BAIAP2L1: variants seen among roughly 807,000 people sequenced by gnomAD.
BAIAP2L1 encodes BAR/IMD domain-containing adapter protein 2-like 1.
BAIAP2L1 carries 35 observed loss-of-function variants against 66.3 expected under a neutral mutation model. The ratio of observed to expected loss-of-function variants is 0.53; its 90% CI spans 0.40 to 0.70. The LOEUF is 0.70. BAIAP2L1 is among the 30% of genes least tolerant of loss of function. The pLI, the probability that BAIAP2L1 is intolerant of heterozygous loss-of-function variation, is 0.00. For missense variants in BAIAP2L1, 622 were observed against 656.9 expected (o/e 0.95, Z 0.58); for synonymous variants, 269 against 248.7 (o/e 1.08, Z -0.77).
chr7:98,324,261 C>T (rs1002312447), intron 3 of BAIAP2L1, among the ~76,000 whole-genome samples: 10 of 152,240 alleles, frequency 6.6e-5, no homozygotes, highest in African/African-American at 2.4e-4. Flanking sequence ...AAAGCAGGAA[C>T]TCAACATAAC....
chr7:98,367,436 T>C (rs1028918761), intron 1 of BAIAP2L1, among the ~76,000 whole-genome samples: 4 of 151,964 alleles, frequency 2.6e-5, no homozygotes, highest in African/African-American at 9.7e-5. Context: ...AGTGGTACGA[T>C]CTCAGCTCAC....
intron 3 of BAIAP2L1, among the ~76,000 whole-genome samples, chr7:98,352,882 G>C (rs1802030520): frequency 6.6e-6 from 1 of 152,106 alleles, no homozygotes; most frequent in African/African-American, 2.4e-5. Flanking sequence ...AAGGCAAACT[G>C]GGTGTGGTGA....
intron 3 of BAIAP2L1, among the ~76,000 whole-genome samples, chr7:98,347,925 T>G (rs1056082478): frequency 6.6e-6 from 1 of 151,746 alleles, no homozygotes; most frequent in African/African-American, 2.4e-5. Context: ...CACTCCTAAG[T>G]AGGAGCTGAA....
At chr7:98,384,586 C>T (rs1402180503) in intron 1 of BAIAP2L1, among the ~76,000 whole-genome samples, 1 of 151,968 alleles carries the variant, frequency 6.6e-6, no homozygotes, top group Non-Finnish European at 1.5e-5. Context: ...GATCAAAGTA[C>T]ACTGACTTAC....
At chr7:98,383,411 G>A (rs1447398685) in intron 1 of BAIAP2L1, among the ~76,000 whole-genome samples, 1 of 151,380 alleles carries the variant, frequency 6.6e-6, no homozygotes, top group Non-Finnish European at 1.5e-5. Context: ...AGCCTCCCGA[G>A]CAGCTGGGAT....
At chr7:98,390,319 A>C (rs1470394521) in intron 1 of BAIAP2L1, among the ~76,000 whole-genome samples, 1 of 152,204 alleles carries the variant, frequency 6.6e-6, no homozygotes. Context: ...TTGCAAACAG[A>C]GGTAGGAGAT....
At chr7:98,398,664 T>C (rs1803277530) in intron 1 of BAIAP2L1, among the ~76,000 whole-genome samples, 1 of 152,176 alleles carries the variant, frequency 6.6e-6, no homozygotes, top group African/African-American at 2.4e-5. Context: ...TCCACACTTT[T>C]TCCCTGCCGT....
intron 12 of BAIAP2L1, among the ~76,000 whole-genome samples, chr7:98,301,998 G>A (rs1221921963): frequency 3.3e-5 from 5 of 152,166 alleles, no homozygotes; most frequent in South Asian, 4.1e-4. Context: ...TCTGCTGCCC[G>A]AGGAAGTGGG....
chr7:98,298,899 T>A (rs545619670), intron 12 of BAIAP2L1, among the ~76,000 whole-genome samples: 122 of 152,244 alleles, frequency 8.0e-4, no homozygotes, highest in African/African-American at 2.7e-3. Flanking sequence ...TGCAGTGCAG[T>A]GGCACAATGA....
chr7:98,299,828 A>G (rs1440890453), intron 12 of BAIAP2L1, among the ~76,000 whole-genome samples: 1 of 151,876 alleles, frequency 6.6e-6, no homozygotes, highest in Non-Finnish European at 1.5e-5. Flanking sequence ...ATCACCTGAG[A>G]TCAGGAGTTC....
rs907937995 is a variant in BAIAP2L1 at position 98,292,487 on chromosome 7, T to C, written c.*1034A>G. ...GGGCTGGGAATTTTAACCATGACTC[T>C]CCACTCCAAAATAGGTCCAGATCCT... is the stretch of plus-strand genomic sequence containing the variant. On this transcript the variant is annotated 3_prime_UTR_variant, in exon 14 of 14. Transcript: ENST00000005260. 6.0e-5 allele frequency: 44 copies of C among 736,018 alleles called. No individual in the cohort carries two copies. Among genetic ancestry groups the C allele is most frequent in the Non-Finnish European group, 8.3e-5 (37 of 445,826 alleles). The allele number at this position is 736,018 out of a possible 1,614,324, so 45.6% of individuals were successfully genotyped here. A position where few individuals can be genotyped will look rare whatever the true frequency, so the allele number is the denominator to read the frequency against.
At chr7:98,324,246 T>C (rs903925685) in intron 3 of BAIAP2L1, among the ~76,000 whole-genome samples, 3 of 152,248 alleles carry the variant, frequency 2.0e-5, no homozygotes, top group African/African-American at 7.2e-5. Context: ...TATACACGTA[T>C]TTCAAAAGCA....
At chr7:98,386,152 C>A (rs556996780) in intron 1 of BAIAP2L1, 42 of 1,587,568 alleles carry the variant, frequency 2.6e-5, no homozygotes, top group Non-Finnish European at 3.3e-5. Context: ...CTGATTGTTG[C>A]GTTTTTTAGT....
At chr7:98,385,037 G>A (rs535863452) in intron 1 of BAIAP2L1, among the ~76,000 whole-genome samples, 2 of 152,226 alleles carry the variant, frequency 1.3e-5, no homozygotes, top group South Asian at 4.2e-4. Flanking sequence ...GGTGGGTGCA[G>A]TGGTTCATGC....
chr7:98,370,507 T>G (rs569953483), intron 1 of BAIAP2L1, among the ~76,000 whole-genome samples: 14 of 152,012 alleles, frequency 9.2e-5, no homozygotes, highest in African/African-American at 3.1e-4. Flanking sequence ...CTCCCAGAAA[T>G]TTTGGCTTTT....
chr7:98,380,901 A>G (rs1184524049), intron 1 of BAIAP2L1, among the ~76,000 whole-genome samples: 3 of 148,502 alleles, frequency 2.0e-5, no homozygotes, highest in Non-Finnish European at 4.5e-5. Context: ...GAATGGCCAC[A>G]AAGATGTGTA....
At chr7:98,392,483 G>C (rs1803070596) in intron 1 of BAIAP2L1, among the ~76,000 whole-genome samples, 1 of 152,140 alleles carries the variant, frequency 6.6e-6, no homozygotes, top group South Asian at 2.1e-4. Context: ...AAATGTACCT[G>C]CCCTTTGACC....
chr7:98,297,944 A>T lies in BAIAP2L1; in HGVS notation c.1423-3833T>A, dbSNP rs1800258239. ...AGTAGAAAATACGTAAATTAAAAAAATTCAGGCCGGGCACAGTGGCTCACG... is the reference window on the plus strand; with the variant it reads ...AGTAGAAAATACGTAAATTAAAAAATTTCAGGCCGGGCACAGTGGCTCACG... On this transcript the variant is annotated intron_variant, in intron 12 of 13. Transcript: ENST00000005260. Among the ~76,000 whole-genome samples the T allele has an allele frequency of 2.0e-5, 3 of 152,280 alleles. No individual in the cohort carries two copies. The South Asian group carries it at 6.2e-4, about 31-fold the overall frequency.
intron 2 of BAIAP2L1, among the ~76,000 whole-genome samples, chr7:98,358,410 T>C (rs1340429279): frequency 6.6e-6 from 1 of 151,930 alleles, no homozygotes; most frequent in Non-Finnish European, 1.5e-5. Flanking sequence ...CACACTGGAG[T>C]GCAGTGGTGT....
Sources: allele counts gnomAD v4.1 joint callset (sites outside exome capture counted in the v4.1 genomes callset), GRCh38; gene constraint gnomAD v4.1.1; transcripts MANE v1.5; gene names NCBI Gene and HGNC (gene_info 2026-07-23, HGNC 2026-07-21).